The following PIWIL1 variants were observed in gnomAD, a reference collection of about 807,000 sequenced individuals.
PIWIL1 encodes piwi like RNA-mediated gene silencing 1.
A neutral mutation model predicts 114.4 loss-of-function variants in PIWIL1; 73 were observed. The ratio of observed to expected loss-of-function variants is 0.64; its 90% CI spans 0.53 to 0.78. PIWIL1 has a LOEUF of 0.78. Among genes scored for constraint, PIWIL1 ranks in the 30% least tolerant of loss-of-function variants. The probability of loss-of-function intolerance (pLI) is 0.00; values close to 1 mark genes in which losing one functional copy is unlikely to be tolerated. For synonymous variants in PIWIL1, 375 were observed against 369.0 expected, an observed-to-expected ratio of 1.02 and a Z score of -0.19; for missense variants, 723 against 1,063.1, an observed-to-expected ratio of 0.68 and a Z score of 4.45.
the PIWIL1 span, among the ~76,000 whole-genome samples, chr12:130,388,366 G>A: frequency 1.3e-5 from 2 of 152,290 alleles, no homozygotes; most frequent in East Asian, 3.9e-4. Context: ...TGATCAGTTA[G>A]TTGATCTATC....
the PIWIL1 span, among the ~76,000 whole-genome samples, chr12:130,389,695 G>C: frequency 1.3e-5 from 2 of 152,022 alleles, no homozygotes; most frequent in Non-Finnish European, 2.9e-5. Flanking sequence ...CTTTAGTCTA[G>C]TTCAAAGTTA....
chr12:130,355,696 T>A (rs2073345298), intron 12 of PIWIL1, 29 bp downstream of exon 12: 2 of 1,487,904 alleles, frequency 1.3e-6, no homozygotes, highest in African/African-American at 1.4e-5. Context: ...GGTGTTGTTG[T>A]TGTTTTTGAG....
chr12:130,382,642 TCAG>T, the PIWIL1 span, among the ~76,000 whole-genome samples: 1 of 152,240 alleles, frequency 6.6e-6, no homozygotes, highest in African/African-American at 2.4e-5. Flanking sequence ...TCAGGAATTC[TCAG>T]TAAATCATTG....
chr12:130,346,282 G>A (rs1179193967), intron 4 of PIWIL1, 88 bp from the exon 5 acceptor site: 2 of 989,474 alleles, frequency 2.0e-6, no homozygotes, highest in Admixed American at 2.1e-5. Flanking sequence ...TGTGTTTACG[G>A]AACTGTGCCT....
chr12:130,356,836 A>G, intron 12 of PIWIL1, 82 bp from the exon 13 acceptor site: 1 of 949,324 alleles, frequency 1.1e-6, no homozygotes, highest in Non-Finnish European at 1.5e-6. Flanking sequence ...AAAATATGCC[A>G]TGGTAGAATT....
rs1352831512 is a variant in PIWIL1 at position 130,361,588 on chromosome 12, G to A, written c.1957G>A (p.Glu653Lys). The A allele has an allele frequency of 6.2e-7, 1 of 1,614,044 alleles. No homozygotes were observed. The highest frequency in any genetic ancestry group is 1.7e-5 in the Admixed American group (1 of 60,032). The change falls in exon 16 of 21, where the codon GAA becomes AAA. Residue 653 changes from glutamate to lysine, a missense_variant. Glu to Lys is a moderately conservative substitution (Grantham distance 56, BLOSUM62 1). Coordinates refer to ENST00000245255, the MANE Select transcript of PIWIL1 (RefSeq NM_004764.5). ...CGCAGGATTTGTTGCCAGCATCAAT[G>A]AAGGGATGACCCGGTGAGTGAGACT... ...SIAGFVASIN[E>K]GMTRWFSRCI...
intron 14 of PIWIL1, 24 bp from the exon 15 acceptor site, chr12:130,361,156 G>GT: frequency 6.2e-7 from 1 of 1,611,196 alleles, no homozygotes. Context: ...CTAATTCTTT[G>GT]TAACAAGGGC....
chr12:130,418,505 A>G, the PIWIL1 span, among the ~76,000 whole-genome samples: 5 of 152,190 alleles, frequency 3.3e-5, no homozygotes, highest in Non-Finnish European at 7.3e-5. Flanking sequence ...GATCTGCTGG[A>G]GGAACTTAAT....
At chr12:130,391,849 T>A in the PIWIL1 span, among the ~76,000 whole-genome samples, 2 of 152,192 alleles carry the variant, frequency 1.3e-5, no homozygotes, top group Admixed American at 1.3e-4. Flanking sequence ...CTGCTCCTGA[T>A]AAGGGCCTGT....
chr12:130,395,238 C>CCTAA, the PIWIL1 span, among the ~76,000 whole-genome samples: 1 of 152,206 alleles, frequency 6.6e-6, no homozygotes, highest in East Asian at 1.9e-4. Flanking sequence ...TGGAGAGCTT[C>CCTAA]CTAACTTGTT....
At chr12:130,361,696 C>T (rs2073514033) in intron 16 of PIWIL1, 95 bp downstream of exon 16, 10 of 957,102 alleles carry the variant, frequency 1.0e-5, no homozygotes, top group Non-Finnish European at 1.5e-5. Flanking sequence ...GTTATCCTTC[C>T]AGTTTCTCAA....
At chr12:130,391,479 C>T in the PIWIL1 span, among the ~76,000 whole-genome samples, 2 of 152,212 alleles carry the variant, frequency 1.3e-5, no homozygotes, top group East Asian at 3.9e-4. Context: ...TTAACCCTTT[C>T]CTCCCCCGTC....
chr12:130,357,717 C>T (rs1307778608), intron 14 of PIWIL1, among the ~76,000 whole-genome samples, 164 bp downstream of exon 14: 9 of 152,122 alleles, frequency 5.9e-5, no homozygotes, highest in African/African-American at 4.8e-5. Context: ...CTAATGCTAG[C>T]TTTAGTTGTG....
At chr12:130,355,408 TC>T in intron 11 of PIWIL1, 144 bp from the exon 12 acceptor site, 1 of 689,474 alleles carries the variant, frequency 1.5e-6, no homozygotes, top group South Asian at 1.7e-5. Context: ...ATGATTGTGC[TC>T]CTGTGCCAGC....
chr12:130,370,065 C>T (rs2073776696), intron 19 of PIWIL1, among the ~76,000 whole-genome samples: 1 of 152,280 alleles, frequency 6.6e-6, no homozygotes, highest in Admixed American at 6.5e-5. Flanking sequence ...AGTCATTTAA[C>T]ATTTCTTAAC....
chr12:130,371,230 A>C lies in PIWIL1; in HGVS notation c.2376A>C (p.Thr792=). The C allele has an allele frequency of 6.2e-7, 1 of 1,614,208 alleles. No homozygotes were observed. The change falls in exon 20 of 21, where the codon ACA becomes ACC. Residue 792 remains threonine (T), a synonymous_variant. Coordinates refer to ENST00000245255, the MANE Select transcript of PIWIL1 (RefSeq NM_004764.5). ...QAVRSGSVSP[T]HYNVIYDNSG... ...TGAGAAGTGGTAGTGTTTCTCCCACACATTACAATGTCATCTATGACAACA... is the reference window on the plus strand; with the variant it reads ...TGAGAAGTGGTAGTGTTTCTCCCACCCATTACAATGTCATCTATGACAACA...
the PIWIL1 span, among the ~76,000 whole-genome samples, chr12:130,385,400 C>G: frequency 6.6e-6 from 1 of 152,186 alleles, no homozygotes; most frequent in Non-Finnish European, 1.5e-5. Flanking sequence ...TGCTCCAGTT[C>G]ATTTGCTGTG....
At position 130,357,112 on chromosome 12, in the gene PIWIL1, TAATC is replaced by T. The variant is rs748959696; in HGVS notation, c.1592+10_1592+13del. The T allele has an allele frequency of 2.3e-5, 37 of 1,602,042 alleles. No individual in the cohort carries two copies. The Admixed American group carries it at 5.7e-4, about 25-fold the overall frequency. On this transcript the variant is annotated splice_region_variant and intron_variant, in intron 13 of 20. Transcript: ENST00000245255. ...AAATGAGAAAAGCAATAATGTAAGT[TAATC>T]AAGTCATTTCTGCTCTGAAAATTGC... is the stretch of plus-strand genomic sequence containing the variant.
At chr12:130,424,535 C>T in the PIWIL1 span, 69 of 1,231,964 alleles carry the variant, frequency 5.6e-5, no homozygotes, top group East Asian at 3.8e-4. The surrounding 1 kb of genome is among the most constrained non-coding windows in gnomAD (Gnocchi z 9.8). Flanking sequence ...TCCGGGTGGC[C>T]GAGCGGCTGA....
Sources: allele counts gnomAD v4.1 joint callset (sites outside exome capture counted in the v4.1 genomes callset), GRCh38; gene constraint gnomAD v4.1.1; non-coding constraint Gnocchi (gnomAD v3.1); transcripts MANE v1.5; gene names NCBI Gene and HGNC (gene_info 2026-07-23, HGNC 2026-07-21).